The following PALLD variants were observed in gnomAD, a reference collection of about 807,000 sequenced individuals.
The protein encoded by PALLD is palladin.
PALLD carries 61 observed loss-of-function variants against 123.5 expected under a neutral mutation model. The ratio of observed to expected loss-of-function variants is 0.49; its 90% CI spans 0.40 to 0.61. PALLD has a LOEUF of 0.61. Ranked by LOEUF, PALLD falls within the 20% of genes least tolerant of loss-of-function variation. The probability of loss-of-function intolerance (pLI) is 0.00; values close to 1 mark genes in which losing one functional copy is unlikely to be tolerated. For missense variants in PALLD, 1,273 were observed against 1,377.0 expected (o/e 0.92, Z 1.20); for synonymous variants, 465 against 496.4 (o/e 0.94, Z 0.84).
intron 2 of PALLD, chr4:168,631,613 G>A: frequency 1.0e-6 from 1 of 985,576 alleles, no homozygotes; most frequent in Non-Finnish European, 1.2e-6. Context: ...GCGAGACGCG[G>A]CGCATTCGCG....
rs759938524 is a variant in PALLD, at chr4:168,927,795, C to T, written c.*1615C>T. Reference sequence around the variant, plus strand: ...AGACTTGATGGTTTTAAGTCGGAACCGATAAATTTTAAAAAGGAGAAAAAA... The same window carrying T: ...AGACTTGATGGTTTTAAGTCGGAACTGATAAATTTTAAAAAGGAGAAAAAA... On this transcript the variant is annotated 3_prime_UTR_variant, in exon 22 of 22. Coordinates refer to ENST00000505667, the MANE Select transcript of PALLD (RefSeq NM_001166108.2). The T allele has an allele frequency of 1.4e-5, 3 of 214,760 alleles. No individual in the cohort carries two copies. The highest frequency in any genetic ancestry group is 5.8e-5 in the Admixed American group (1 of 17,116). 13.3% of individuals were successfully genotyped at this position (214,760 alleles called of 1,614,324 possible). A position where few individuals can be genotyped will look rare whatever the true frequency, so the allele number is the denominator to read the frequency against.
At chr4:168,696,344 C>T (rs967060104) in intron 8 of PALLD, among the ~76,000 whole-genome samples, 1 of 152,064 alleles carries the variant, frequency 6.6e-6, no homozygotes, top group Non-Finnish European at 1.5e-5. Flanking sequence ...GCAATTTAAA[C>T]ATCCCGAGAG....
At chr4:168,709,923 A>T (rs929702038) in intron 9 of PALLD, among the ~76,000 whole-genome samples, 77 of 152,124 alleles carry the variant, frequency 5.1e-4, no homozygotes, top group Non-Finnish European at 1.6e-4. Flanking sequence ...TCATATTCAC[A>T]TTGGAAAGCC....
chr4:168,898,434 AG>A (rs1454274214), intron 13 of PALLD, 58 bp from the exon 14 acceptor site: 3 of 1,054,402 alleles, frequency 2.8e-6, no homozygotes, highest in Non-Finnish European at 4.5e-6. Context: ...GGGCAGGGAG[AG>A]ACGTGACACT....
intron 10 of PALLD, among the ~76,000 whole-genome samples, chr4:168,800,670 G>A (rs1303289285): frequency 6.6e-6 from 1 of 152,150 alleles, no homozygotes; most frequent in African/African-American, 2.4e-5. Context: ...AGTATAAATT[G>A]TTAAAAACCA....
chr4:168,636,110 A>G (rs777771704), intron 2 of PALLD, among the ~76,000 whole-genome samples: 6 of 152,304 alleles, frequency 3.9e-5, no homozygotes, highest in Non-Finnish European at 8.8e-5. Flanking sequence ...TTCTGCAAGT[A>G]TGGAAACTGG....
intron 2 of PALLD, among the ~76,000 whole-genome samples, chr4:168,594,439 G>A (rs764713596): frequency 1.2e-4 from 19 of 152,068 alleles, no homozygotes; most frequent in Non-Finnish European, 2.2e-4. Context: ...AAACAGACGC[G>A]TGAGGGGAGG....
intron 2 of PALLD, among the ~76,000 whole-genome samples, chr4:168,572,912 C>G (rs1036413646): frequency 1.4e-5 from 2 of 147,596 alleles, no homozygotes; most frequent in Non-Finnish European, 3.0e-5. Context: ...CCCACCAGCA[C>G]AGGTGGTTGT....
chr4:168,510,098 T>G (rs556028603), intron 1 of PALLD, among the ~76,000 whole-genome samples: 1 of 152,160 alleles, frequency 6.6e-6, no homozygotes, highest in Non-Finnish European at 1.5e-5. Context: ...AAGCTTCCAT[T>G]ATTCACTCCT....
chr4:168,903,289 A>G (rs1238580733), intron 14 of PALLD, among the ~76,000 whole-genome samples: 1 of 152,182 alleles, frequency 6.6e-6, no homozygotes, highest in Admixed American at 6.5e-5. Context: ...ATTCAGTGAA[A>G]TGATTAGAGT....
chr4:168,754,513 C>T (rs779287420), intron 10 of PALLD, among the ~76,000 whole-genome samples: 1 of 152,180 alleles, frequency 6.6e-6, no homozygotes, highest in South Asian at 2.1e-4. Flanking sequence ...TATTACTTTT[C>T]AAATACTGTT....
intron 10 of PALLD, among the ~76,000 whole-genome samples, chr4:168,834,461 G>A (rs141141568): frequency 5.2e-4 from 79 of 152,200 alleles, no homozygotes; most frequent in African/African-American, 1.4e-3. Context: ...ACAATAGGCC[G>A]GGCATAGAGA....
intron 10 of PALLD, among the ~76,000 whole-genome samples, chr4:168,743,415 AT>A (rs552104818): frequency 6.7e-5 from 10 of 149,320 alleles, no homozygotes; most frequent in Non-Finnish European, 7.5e-5. Context: ...TACTTTCGAG[AT>A]TTTTTTTTTA....
chr4:168,652,969 A>G (rs1016266937), intron 2 of PALLD, among the ~76,000 whole-genome samples: 1 of 152,204 alleles, frequency 6.6e-6, no homozygotes, highest in African/African-American at 2.4e-5. Context: ...TCCCACTTTC[A>G]GCCGTCAGTT....
chr4:168,881,140 G>A (rs1752552998), intron 10 of PALLD, among the ~76,000 whole-genome samples: 2 of 152,102 alleles, frequency 1.3e-5, no homozygotes, highest in South Asian at 4.1e-4. Flanking sequence ...TCTGACCTCA[G>A]GTGATCCGCC....
At chr4:168,568,285 C>A (rs569171294) in intron 2 of PALLD, among the ~76,000 whole-genome samples, 2 of 152,060 alleles carry the variant, frequency 1.3e-5, no homozygotes, top group East Asian at 3.9e-4. Context: ...TATAGCAGAA[C>A]ACTGAAAAGC....
chr4:168,837,639 C>T (rs566219967), intron 10 of PALLD, among the ~76,000 whole-genome samples: 3 of 152,328 alleles, frequency 2.0e-5, no homozygotes, highest in African/African-American at 7.2e-5. Flanking sequence ...CACAATCCCA[C>T]GTAGTGAGTA....
chr4:168,781,050 T>C (rs1056428985), intron 10 of PALLD, among the ~76,000 whole-genome samples: 48 of 152,096 alleles, frequency 3.2e-4, no homozygotes, highest in African/African-American at 1.1e-3. Flanking sequence ...AAAATGAACA[T>C]TTTTTTAAAT....
At chr4:168,876,869 A>G (rs190611981) in intron 10 of PALLD, among the ~76,000 whole-genome samples, 104 of 152,344 alleles carry the variant, frequency 6.8e-4, no homozygotes, top group Middle Eastern at 3.4e-3. Context: ...TGAATAAAGG[A>G]AAACATCCTG....
Sources: gnomAD v4.1 joint callset for allele counts (sites outside exome capture counted in the v4.1 genomes callset) on GRCh38, gnomAD v4.1.1 for gene constraint, MANE v1.5 for transcripts, NCBI Gene and HGNC (gene_info 2026-07-23, HGNC 2026-07-21) for gene names.